Variants in CCDC146 observed in about 807,000 individuals in gnomAD.
The protein encoded by CCDC146 is coiled-coil domain-containing protein 146.
CCDC146 carries 92 observed loss-of-function variants against 119.3 expected under a neutral mutation model. The ratio of observed to expected loss-of-function variants is 0.77; its 90% CI spans 0.65 to 0.92. The LOEUF (loss-of-function observed/expected upper bound fraction) is 0.92. Among genes scored for constraint, CCDC146 ranks in the 40% least tolerant of loss-of-function variants. The pLI is 0.00. For missense variants in CCDC146, 1,000 were observed against 1,103.0 expected (o/e 0.91, Z 1.32); for synonymous variants, 372 against 371.8 (o/e 1.00, Z -0.01).
chr7:77,278,549 G>A (rs933722675), intron 11 of CCDC146, among the ~76,000 whole-genome samples: 3 of 149,236 alleles, frequency 2.0e-5, no homozygotes, highest in Admixed American at 6.8e-5. Flanking sequence ...GGGCTCGAGC[G>A]ATCCTCCCAC....
chr7:77,206,004 G>A (rs1194019379), intron 2 of CCDC146, among the ~76,000 whole-genome samples: 3 of 152,200 alleles, frequency 2.0e-5, no homozygotes. Flanking sequence ...AAAGAAGGCA[G>A]AAAGTTGCCT....
rs1792534805 is a variant in CCDC146, at chr7:77,227,392, A to G, written c.157-9555A>G. Among the ~76,000 whole-genome samples the G allele has an allele frequency of 2.6e-5, 4 of 152,218 alleles. No homozygotes were observed. In the South Asian group the frequency reaches 8.3e-4, roughly 32 times the overall value. Reference sequence around the variant, plus strand: ...GCAATCTCGGCTCACTGCAAGCTCCACTTCCTGGGTTCATGCCATTCTCCT... The same window carrying G: ...GCAATCTCGGCTCACTGCAAGCTCCGCTTCCTGGGTTCATGCCATTCTCCT... On this transcript the variant is annotated intron_variant, in intron 2 of 18. Coordinates refer to ENST00000285871, the MANE Select transcript of CCDC146 (RefSeq NM_020879.3).
intron 1 of CCDC146, among the ~76,000 whole-genome samples, chr7:77,162,453 A>C (rs2117471612): frequency 6.6e-6 from 1 of 152,270 alleles, no homozygotes; most frequent in East Asian, 1.9e-4. Context: ...CTGTATATGC[A>C]TTGGTTCATT....
chr7:77,147,926 C>G (rs1024374469), intron 1 of CCDC146, among the ~76,000 whole-genome samples: 66 of 152,334 alleles, frequency 4.3e-4, no homozygotes, highest in African/African-American at 1.4e-3. Flanking sequence ...AACCACTACT[C>G]TCTTCAAAGC....
chr7:77,287,043 TA>T, intron 16 of CCDC146, 117 bp downstream of exon 16: 1 of 1,092,818 alleles, frequency 9.2e-7, no homozygotes, highest in South Asian at 1.5e-5. Flanking sequence ...TTCTAGTCAC[TA>T]ATATAGTCCT....
intron 13 of CCDC146, among the ~76,000 whole-genome samples, chr7:77,280,123 G>A (rs1377287592): frequency 6.6e-6 from 1 of 152,152 alleles, no homozygotes; most frequent in Non-Finnish European, 1.5e-5. Context: ...CCTCAAGACA[G>A]CAGTCTCCTG....
At chr7:77,138,486 G>C (rs150208849) in intron 1 of CCDC146, among the ~76,000 whole-genome samples, 1 of 152,198 alleles carries the variant, frequency 6.6e-6, no homozygotes, top group East Asian at 1.9e-4. Context: ...ATACTTTTTA[G>C]ATACAACTCC....
At chr7:77,142,120 G>A (rs1333696354) in intron 1 of CCDC146, among the ~76,000 whole-genome samples, 1 of 152,018 alleles carries the variant, frequency 6.6e-6, no homozygotes, top group Non-Finnish European at 1.5e-5. Flanking sequence ...ATACTGAATG[G>A]GCAAAAGCTG....
chr7:77,182,944 A>G (rs1331356802), intron 2 of CCDC146, among the ~76,000 whole-genome samples: 1 of 152,130 alleles, frequency 6.6e-6, no homozygotes, highest in Non-Finnish European at 1.5e-5. Context: ...CCTGCTCTGT[A>G]CAGATAATTT....
chr7:77,272,890 C>G (rs898744420), intron 9 of CCDC146, among the ~76,000 whole-genome samples: 1 of 152,148 alleles, frequency 6.6e-6, no homozygotes, highest in Admixed American at 6.6e-5. Flanking sequence ...AAAGTTGAGG[C>G]TTTTCTTTTG....
intron 1 of CCDC146, among the ~76,000 whole-genome samples, chr7:77,125,159 A>C (rs893450942): frequency 1.3e-4 from 19 of 151,980 alleles, no homozygotes; most frequent in Admixed American, 2.0e-4. Flanking sequence ...ACACCACTGC[A>C]CTCCAGCCTG....
At position 77,282,683 on chromosome 7, in the gene CCDC146, GA is replaced by G. The variant is rs1343196477; in HGVS notation, c.2050del (p.Met684Ter). The G allele has an allele frequency of 2.5e-6, 4 of 1,613,956 alleles. No homozygotes were observed. Among genetic ancestry groups the G allele is most frequent in the African/African-American group, 2.7e-5 (2 of 74,928 alleles). ...TACTGGAAGAAAAGATCCAATTCCT[GA>G]AAATGAAGATTGCTGAGAAGCAAAG... ...HLLEEKIQFL[K>X]MKIAEKQRQI... On this transcript the variant is annotated frameshift_variant, in exon 15 of 19. Transcript: ENST00000285871. LOFTEE classifies it high-confidence loss of function.
intron 1 of CCDC146, among the ~76,000 whole-genome samples, chr7:77,148,656 A>G (rs1791061035): frequency 2.0e-5 from 3 of 152,146 alleles, no homozygotes. Flanking sequence ...TCAATGTGCA[A>G]AAATCACAAG....
chr7:77,145,806 T>G (rs1475161739), intron 1 of CCDC146, among the ~76,000 whole-genome samples: 1 of 152,164 alleles, frequency 6.6e-6, no homozygotes, highest in Non-Finnish European at 1.5e-5. Context: ...TTTCTGTTCT[T>G]TTACATTTGC....
At chr7:77,228,274 C>A (rs910151815) in intron 2 of CCDC146, among the ~76,000 whole-genome samples, 4 of 152,104 alleles carry the variant, frequency 2.6e-5, no homozygotes, top group African/African-American at 2.4e-5. Context: ...AGCCTAGTAC[C>A]TATTAGTAGT....
Position 77,153,343 on chromosome 7 carries a change from A to G in CCDC146, c.-11-14315A>G, listed in dbSNP as rs551758518. 4.6e-5 allele frequency among the ~76,000 whole-genome samples: 7 copies of G among 152,236 alleles called. No homozygotes were observed. In the South Asian group the frequency reaches 1.0e-3, roughly 23 times the overall value. On this transcript the variant is annotated intron_variant, in intron 1 of 18. Transcript: ENST00000285871. ...AGGCAATTACCTAATTAGGTAAGAT[A>G]TATACACTAGTATTGTAATGTTATA...
At chr7:77,193,697 T>C (rs1004996529) in intron 2 of CCDC146, 27 of 152,222 alleles carry the variant, frequency 1.8e-4, no homozygotes, top group African/African-American at 5.8e-4. Flanking sequence ...GATTTTTTTT[T>C]CCCCTCAGTC....
intron 1 of CCDC146, among the ~76,000 whole-genome samples, chr7:77,160,002 A>C (rs949044447): frequency 2.0e-5 from 3 of 151,982 alleles, no homozygotes; most frequent in African/African-American, 4.8e-5. Flanking sequence ...GCCAGTTTTC[A>C]CAGCACCATT....
At chr7:77,289,657 C>A (rs1793909236) in intron 17 of CCDC146, among the ~76,000 whole-genome samples, 1 of 152,200 alleles carries the variant, frequency 6.6e-6, no homozygotes, top group South Asian at 2.1e-4. Flanking sequence ...TAGCCACATT[C>A]AAAAAGATTG....
Sources: gnomAD v4.1 joint callset for allele counts (sites outside exome capture counted in the v4.1 genomes callset) on GRCh38, gnomAD v4.1.1 for gene constraint, MANE v1.5 for transcripts, NCBI Gene and HGNC (gene_info 2026-07-23, HGNC 2026-07-21) for gene names.